The following XPR1 variants were observed in gnomAD, a reference collection of about 807,000 sequenced individuals.
The protein encoded by XPR1 is solute carrier family 53 member 1.
Under a neutral mutation model 87.5 loss-of-function variants are expected in XPR1, and 28 were observed. The ratio of observed to expected loss-of-function variants is 0.32; its 90% CI spans 0.24 to 0.44. The LOEUF (loss-of-function observed/expected upper bound fraction) is 0.44, where lower values mean the gene tolerates loss of function less well. Ranked by LOEUF, XPR1 falls within the 20% of genes least tolerant of loss-of-function variation. The probability of loss-of-function intolerance (pLI) is 1.00; values close to 1 mark genes in which losing one functional copy is unlikely to be tolerated. For synonymous variants in XPR1, 300 were observed against 306.1 expected (o/e 0.98, Z 0.21); for missense variants, 559 against 862.3 (o/e 0.65, Z 4.41).
rs540924638 is a variant in XPR1, at chr1:180,841,054, G to A, written c.1501+4338G>A. Among the ~76,000 whole-genome samples, 12 of 152,220 alleles carry A rather than the reference G, an allele frequency of 7.9e-5. 1 individual carries two copies. In the South Asian group the frequency reaches 2.1e-3, roughly 26 times the overall value. On this transcript the variant is annotated intron_variant, in intron 11 of 14. Transcript: ENST00000367590. ...GCATTAATTGGTTCTTAATAGTATT[G>A]TTAAGTGTACTGTTTTAGACATGGC...
At position 180,811,287 on chromosome 1, in the gene XPR1, G is replaced by T; in HGVS notation, c.682-120G>T. On this transcript the variant is annotated intron_variant, in intron 6 of 14. Coordinates refer to ENST00000367590, the MANE Select transcript of XPR1 (RefSeq NM_004736.4). ...TCTGGTTCAGATTTATAAAAATTTA[G>T]AACATTAAATATTATTTTCATGGTA... The T allele has an allele frequency of 6.1e-6, 5 of 814,428 alleles. No homozygotes were observed. In the South Asian group the frequency reaches 8.8e-5, roughly 14 times the overall value. 50.5% of individuals were successfully genotyped at this position (814,428 alleles called of 1,614,324 possible). A position where few individuals can be genotyped will look rare whatever the true frequency, so the allele number is the denominator to read the frequency against.
At chr1:180,883,535 C>A (rs184357402) in intron 14 of XPR1, among the ~76,000 whole-genome samples, 1 of 152,012 alleles carries the variant, frequency 6.6e-6, no homozygotes, top group African/African-American at 2.4e-5. Flanking sequence ...ATGGTGAAAG[C>A]CCATCTCTAC....
At chr1:180,877,606 G>A (rs976622460) in intron 13 of XPR1, among the ~76,000 whole-genome samples, 2 of 152,102 alleles carry the variant, frequency 1.3e-5, no homozygotes, top group Non-Finnish European at 2.9e-5. Context: ...AACCCTAAAG[G>A]TGGTTTTCAG....
intron 7 of XPR1, among the ~76,000 whole-genome samples, chr1:180,819,075 G>A (rs1462366875): frequency 6.6e-6 from 1 of 152,034 alleles, no homozygotes; most frequent in East Asian, 1.9e-4. Context: ...TCAGACTCTT[G>A]AGTAGCCAGG....
chr1:180,774,346 T>A (rs1457768013), intron 2 of XPR1, among the ~76,000 whole-genome samples: 1 of 151,740 alleles, frequency 6.6e-6, no homozygotes. Flanking sequence ...CTGGATTTTT[T>A]AATACTTTTT....
intron 7 of XPR1, among the ~76,000 whole-genome samples, chr1:180,818,203 C>T (rs1358417478): frequency 6.6e-6 from 1 of 152,002 alleles, no homozygotes; most frequent in African/African-American, 2.4e-5. Flanking sequence ...ATTTGTGGTT[C>T]TTTTCCTATA....
chr1:180,772,564 T>C (rs1475762512), intron 2 of XPR1, among the ~76,000 whole-genome samples: 1 of 152,216 alleles, frequency 6.6e-6, no homozygotes, highest in African/African-American at 2.4e-5. Flanking sequence ...AATCTCATCT[T>C]GTATCTCCCA....
rs532929781 is a variant in XPR1, at chr1:180,791,485, C to T, written c.223+3631C>T. Among the ~76,000 whole-genome samples the T allele has an allele frequency of 3.3e-5, 5 of 152,234 alleles. No homozygotes were observed. The South Asian group carries it at 1.0e-3, about 32-fold the overall frequency. On this transcript the variant is annotated intron_variant, in intron 3 of 14. Coordinates refer to ENST00000367590, the MANE Select transcript of XPR1 (RefSeq NM_004736.4). ...AGAGATGGGGTTTCACCATGTTGGC[C>T]AGGGTGGTCTCGAACTCCTGACCTC...
chr1:180,811,647 T>G (rs1179388147), intron 7 of XPR1, among the ~76,000 whole-genome samples, 159 bp downstream of exon 7: 1 of 152,162 alleles, frequency 6.6e-6, no homozygotes, highest in African/African-American at 2.4e-5. Flanking sequence ...TTTTTTTAGT[T>G]GTTTGTTTTG....
At chr1:180,766,570 G>A (rs1648294823) in intron 2 of XPR1, among the ~76,000 whole-genome samples, 1 of 152,080 alleles carries the variant, frequency 6.6e-6, no homozygotes, top group African/African-American at 2.4e-5. Flanking sequence ...AATCATAAGT[G>A]AGTTATTGTA....
At chr1:180,776,366 T>G (rs927892421) in intron 2 of XPR1, among the ~76,000 whole-genome samples, 1 of 152,052 alleles carries the variant, frequency 6.6e-6, no homozygotes, top group East Asian at 1.9e-4. Context: ...ATTCAAGTAG[T>G]TATTGAATTA....
At chr1:180,707,328 C>T (rs1019088385) in intron 2 of XPR1, among the ~76,000 whole-genome samples, 2 of 152,182 alleles carry the variant, frequency 1.3e-5, no homozygotes, top group Non-Finnish European at 2.9e-5. Flanking sequence ...TTTCCTGATC[C>T]TCTCCCTCCT....
chr1:180,852,369 C>G (rs1571895046), intron 11 of XPR1, among the ~76,000 whole-genome samples: 1 of 152,202 alleles, frequency 6.6e-6, no homozygotes, highest in Non-Finnish European at 1.5e-5. Context: ...TTCATACAGT[C>G]AAGATACAGA....
intron 11 of XPR1, among the ~76,000 whole-genome samples, chr1:180,842,952 GC>G (rs779901921): frequency 3.3e-5 from 5 of 152,156 alleles, no homozygotes; most frequent in Non-Finnish European, 5.9e-5. Flanking sequence ...GGTATTCTCG[GC>G]ACAATTAAGA....
intron 2 of XPR1, among the ~76,000 whole-genome samples, chr1:180,686,689 G>A (rs1394433690): frequency 6.6e-6 from 1 of 152,090 alleles, no homozygotes; most frequent in Non-Finnish European, 1.5e-5. Context: ...TTCTAAGTTG[G>A]ATGTACAGAA....
intron 2 of XPR1, among the ~76,000 whole-genome samples, chr1:180,762,162 C>T (rs1004727677): frequency 7.9e-5 from 12 of 151,294 alleles, no homozygotes; most frequent in Admixed American, 2.0e-4. Context: ...AGGAGATATA[C>T]CTAATGCTGA....
chr1:180,819,788 C>G (rs778197500), intron 7 of XPR1, among the ~76,000 whole-genome samples: 18 of 152,048 alleles, frequency 1.2e-4, no homozygotes, highest in Non-Finnish European at 2.5e-4. Context: ...GAGGCCAAGG[C>G]GGGTGGATTG....
At chr1:180,697,865 C>T (rs1285395830) in intron 2 of XPR1, among the ~76,000 whole-genome samples, 1 of 151,998 alleles carries the variant, frequency 6.6e-6, no homozygotes, top group Admixed American at 6.6e-5. Flanking sequence ...TGTGGCCTAA[C>T]ATATGGTCTG....
At chr1:180,822,387 T>G (rs1324895168) in intron 7 of XPR1, among the ~76,000 whole-genome samples, 3 of 152,206 alleles carry the variant, frequency 2.0e-5, no homozygotes, top group African/African-American at 7.2e-5. Context: ...GTCATCTCCT[T>G]AAGTGTCATC....
Sources: gnomAD v4.1 joint callset for allele counts (sites outside exome capture counted in the v4.1 genomes callset) on GRCh38, gnomAD v4.1.1 for gene constraint, MANE v1.5 for transcripts, NCBI Gene and HGNC (gene_info 2026-07-23, HGNC 2026-07-21) for gene names.